Variants in CCNY observed in about 807,000 individuals in gnomAD.
CCNY encodes cyclin Y.
CCNY carries 19 observed loss-of-function variants against 42.8 expected under a neutral mutation model. The ratio of observed to expected loss-of-function variants is 0.44; its 90% confidence interval spans 0.31 to 0.65. The LOEUF (loss-of-function observed/expected upper bound fraction) is 0.65. Ranked by LOEUF, CCNY falls within the 30% of genes least tolerant of loss-of-function variation. CCNY has a pLI of 0.07. For missense variants in CCNY, 370 were observed against 437.3 expected (o/e 0.85, Z 1.37); for synonymous variants, 165 against 162.7 (o/e 1.01, Z -0.11).
intron 3 of CCNY, among the ~76,000 whole-genome samples, chr10:35,253,052 C>A (rs1341751258): frequency 6.6e-6 from 1 of 152,120 alleles, no homozygotes; most frequent in Non-Finnish European, 1.5e-5. Context: ...GACAAAAATT[C>A]ACGGGACTGA....
At chr10:35,281,578 C>T (rs1291611779) in intron 3 of CCNY, among the ~76,000 whole-genome samples, 1 of 152,110 alleles carries the variant, frequency 6.6e-6, no homozygotes, top group East Asian at 1.9e-4. Flanking sequence ...CTTGGGATTA[C>T]AGGCGTGAGC....
intron 1 of CCNY, among the ~76,000 whole-genome samples, chr10:35,418,642 G>C (rs1211562157): frequency 6.6e-6 from 1 of 152,066 alleles, no homozygotes; most frequent in Admixed American, 6.5e-5. Flanking sequence ...GGGTGCTCAA[G>C]TGTAGGGGGC....
upstream of CCNY, among the ~76,000 whole-genome samples, chr10:35,334,327 C>T (rs1835980950): frequency 6.6e-6 from 1 of 152,170 alleles, no homozygotes; most frequent in South Asian, 2.1e-4. Context: ...ATGCCACACA[C>T]CTATGGTCCA....
At chr10:35,391,329 G>GGGTGA (rs1837408864) in intron 1 of CCNY, among the ~76,000 whole-genome samples, 1 of 152,124 alleles carries the variant, frequency 6.6e-6, no homozygotes, top group South Asian at 2.1e-4. Context: ...AGAGTGGCGG[G>GGGTGA]GTGAGTAGTT....
intron 4 of CCNY, among the ~76,000 whole-genome samples, chr10:35,524,007 G>A (rs1220417687): frequency 6.6e-6 from 1 of 152,136 alleles, no homozygotes; most frequent in African/African-American, 2.4e-5. Context: ...CCTTTGAAAT[G>A]TAACATTAGA....
At chr10:35,438,370 A>C (rs1420936171) in intron 1 of CCNY, among the ~76,000 whole-genome samples, 1 of 151,900 alleles carries the variant, frequency 6.6e-6, no homozygotes, top group Non-Finnish European at 1.5e-5. Context: ...TTCCCAGGCT[A>C]GTCTTGAACT....
intron 1 of CCNY, among the ~76,000 whole-genome samples, chr10:35,469,036 A>G (rs2135342182): frequency 6.6e-6 from 1 of 152,362 alleles, no homozygotes; most frequent in African/African-American, 2.4e-5. Context: ...TTAAAATAAT[A>G]GTGTCTTCAA....
intron 1 of CCNY, among the ~76,000 whole-genome samples, chr10:35,424,770 T>TA (rs1190722835): frequency 2.0e-5 from 3 of 152,164 alleles, no homozygotes; most frequent in Non-Finnish European, 4.4e-5. Flanking sequence ...GCCAGGCGCA[T>TA]AAAGATACAA....
At chr10:35,388,155 C>G (rs550324091) in intron 1 of CCNY, among the ~76,000 whole-genome samples, 2 of 152,222 alleles carry the variant, frequency 1.3e-5, no homozygotes, top group South Asian at 2.1e-4. Flanking sequence ...CAGGGGTGGG[C>G]TGTCTTCTGC....
At chr10:35,484,225 A>T (rs763706161) in intron 2 of CCNY, among the ~76,000 whole-genome samples, 2 of 152,236 alleles carry the variant, frequency 1.3e-5, no homozygotes, top group Non-Finnish European at 2.9e-5. Flanking sequence ...GTCCTACATG[A>T]TTCTATCCCT....
rs545974641 is a variant in CCNY, at chr10:35,505,163, C to T, written c.264+3628C>T. ...AGAATCACTCCTGAAAAAAAAAAAT[C>T]ACTCCTGAAACTCAGAATGTATGCT... On this transcript the variant is annotated intron_variant, in intron 3 of 9. Coordinates refer to ENST00000374704, the MANE Select transcript of CCNY (RefSeq NM_145012.6). 1.1e-3 allele frequency among the ~76,000 whole-genome samples: 163 copies of T among 149,520 alleles called. 1 individual carries two copies. Among genetic ancestry groups the T allele is most frequent in the African/African-American group, 3.8e-3 (154 of 40,634 alleles).
intron 4 of CCNY, among the ~76,000 whole-genome samples, chr10:35,523,400 A>C (rs955731041): frequency 3.3e-5 from 5 of 152,282 alleles, no homozygotes; most frequent in Non-Finnish European, 5.9e-5. Context: ...GTGTAGAGTG[A>C]AGCTACAAGC....
In CCNY at chr10:35,352,634, A is replaced by G. The variant is rs976149666; in HGVS notation, c.154+15427A>G. 2.6e-5 allele frequency among the ~76,000 whole-genome samples: 4 copies of G among 152,236 alleles called. No homozygotes were observed. The East Asian group carries it at 7.7e-4, about 29-fold the overall frequency. ...CTCCCTGCTGGATGCTGGGAATACAAAGGTCAACGTTATTTGGACCTTGCG... is the reference window on the plus strand; with the variant it reads ...CTCCCTGCTGGATGCTGGGAATACAGAGGTCAACGTTATTTGGACCTTGCG... On this transcript the variant is annotated intron_variant, in intron 1 of 9. Transcript: ENST00000374704.
At chr10:35,279,121 T>G (rs1185251773) in intron 3 of CCNY, among the ~76,000 whole-genome samples, 2 of 149,078 alleles carry the variant, frequency 1.3e-5, no homozygotes, top group East Asian at 1.9e-4. Flanking sequence ...TTTTTTTTTT[T>G]TTTTTTTTTT....
At chr10:35,412,427 A>G (rs1389935065) in intron 1 of CCNY, among the ~76,000 whole-genome samples, 1 of 152,178 alleles carries the variant, frequency 6.6e-6, no homozygotes, top group Non-Finnish European at 1.5e-5. Flanking sequence ...AACTTGACAG[A>G]TAGAAGAATC....
intron 7 of CCNY, among the ~76,000 whole-genome samples, chr10:35,545,221 T>C (rs991034893): frequency 1.3e-5 from 2 of 152,188 alleles, no homozygotes; most frequent in Non-Finnish European, 2.9e-5. Context: ...GACTGTGGAT[T>C]GCCAGCTTTG....
At chr10:35,284,039 G>A (rs909201992) in intron 3 of CCNY, among the ~76,000 whole-genome samples, 4 of 152,002 alleles carry the variant, frequency 2.6e-5, no homozygotes, top group African/African-American at 4.8e-5. Flanking sequence ...AACTGAGATC[G>A]GGTCAATGCA....
In CCNY at chr10:35,494,235, C is replaced by CCA. The variant is rs1018192106; in HGVS notation, c.230-7265_230-7264insAC. 1.9e-3 allele frequency among the ~76,000 whole-genome samples: 6 copies of CCA among 3,242 alleles called. 1 individual carries two copies. The Non-Finnish European group carries it at 0.026, about 14-fold the overall frequency. 2.1% of individuals were successfully genotyped at this position (3,242 alleles called of 152,430 possible). On this transcript the variant is annotated intron_variant, in intron 2 of 9. Transcript: ENST00000374704. ...GACCAGCCTGGACAGCATAGTGAGA[C>CCA]CCCCCCCCCCATTTCTACAAAAAAA...
intron 3 of CCNY, among the ~76,000 whole-genome samples, chr10:35,285,731 C>T (rs1366383446): frequency 6.6e-6 from 1 of 152,266 alleles, no homozygotes; most frequent in East Asian, 1.9e-4. Context: ...CACGCCTGGC[C>T]AGTAATCTCT....
Sources: gnomAD v4.1 joint callset for allele counts (sites outside exome capture counted in the v4.1 genomes callset) on GRCh38, gnomAD v4.1.1 for gene constraint, MANE v1.5 for transcripts, NCBI Gene and HGNC (gene_info 2026-07-23, HGNC 2026-07-21) for gene names.